NFIB: variants seen among roughly 807,000 people sequenced by gnomAD.
NFIB encodes the protein nuclear factor 1 B-type.
NFIB carries 11 observed loss-of-function variants against 61.5 expected under a neutral mutation model. The observed-to-expected ratio is 0.18, with a 90% confidence interval of 0.11 to 0.30. The LOEUF is 0.30. Among genes scored for constraint, NFIB ranks in the 10% least tolerant of loss-of-function variants. NFIB has a pLI of 1.00. For synonymous variants in NFIB, 260 were observed against 216.5 expected, an observed-to-expected ratio of 1.20 and a Z score of -1.76; for missense variants, 471 against 608.9, an observed-to-expected ratio of 0.77 and a Z score of 2.38.
intron 1 of NFIB, among the ~76,000 whole-genome samples, chr9:14,355,564 G>T (rs2061166640): frequency 6.6e-6 from 1 of 152,172 alleles, no homozygotes; most frequent in Non-Finnish European, 1.5e-5. Flanking sequence ...AGAATCTTTT[G>T]CTTTTTAAAT....
intron 1 of NFIB, among the ~76,000 whole-genome samples, chr9:14,369,780 T>C (rs2061338706): frequency 1.3e-5 from 2 of 152,196 alleles, no homozygotes; most frequent in African/African-American, 4.8e-5. Flanking sequence ...TACTCCTTAA[T>C]TCAGTACTTC....
At chr9:14,247,382 T>C (rs1052207901) in intron 2 of NFIB, among the ~76,000 whole-genome samples, 1 of 152,242 alleles carries the variant, frequency 6.6e-6, no homozygotes, top group Non-Finnish European at 1.5e-5. Context: ...CATCCAATAA[T>C]GCAGGGAGAG....
the NFIB span, among the ~76,000 whole-genome samples, chr9:14,404,816 T>C: frequency 3.5e-4 from 53 of 152,276 alleles, no homozygotes; most frequent in South Asian, 8.1e-3. Flanking sequence ...GGCAGCAACA[T>C]AATGACAGTA....
chr9:14,307,317 G>C lies in NFIB; in HGVS notation c.234C>G (p.Ala78=). Residue 78 remains alanine (A), a synonymous_variant, in exon 2 of 11, where the codon GCC becomes GCG. Coordinates refer to ENST00000380953, the MANE Select transcript of NFIB (RefSeq NM_001190737.2). The surrounding 1 kb of genome is among the most constrained non-coding windows in gnomAD (Gnocchi z 5.3). The part of the protein sequence containing the change: ...IKQKWASRLL[A]KLRKDIRQEY... ...CCTGGCGAATATCTTTGCGCAGTTT[G>C]GCAAGGAGCCTGGATGCCCACTTCT... 3 of 1,614,008 alleles carry C rather than the reference G, an allele frequency of 1.9e-6. No individual in the cohort carries two copies. The highest frequency in any genetic ancestry group is 2.5e-6 in the Non-Finnish European group (3 of 1,179,966).
At chr9:14,420,466 A>AAAAAAAAAAAAAAAAAAAAAAAAAAAAAC in the NFIB span, among the ~76,000 whole-genome samples, 1 of 149,360 alleles carries the variant, frequency 6.7e-6, no homozygotes, top group Non-Finnish European at 1.5e-5. Context: ...AAAAAAAAAA[A>AAAAAAAAAAAAAAAAAAAAAAAAAAAAAC]AAAAGATGCT....
chr9:14,126,087 T>G (rs2039607689), intron 6 of NFIB, among the ~76,000 whole-genome samples: 1 of 152,186 alleles, frequency 6.6e-6, no homozygotes, highest in African/African-American at 2.4e-5. Context: ...TTTACCTCAG[T>G]ATTTCATTCT....
rs574408010 is a variant in NFIB at position 14,211,753 on chromosome 9, C to G, written c.563-31973G>C. On this transcript the variant is annotated intron_variant, in intron 2 of 10. Transcript: ENST00000380953. ...TGGTGGGCCCCTCCACGTCAGCCCT[C>G]TCGTAGACTCCAAAAGGAAATCAGA... Among the ~76,000 whole-genome samples the G allele has an allele frequency of 3.3e-5, 5 of 152,300 alleles. No individual in the cohort carries two copies. In the East Asian group the frequency reaches 5.8e-4, roughly 18 times the overall value.
the NFIB span, among the ~76,000 whole-genome samples, chr9:14,474,127 T>A: frequency 5.3e-4 from 80 of 152,242 alleles, no homozygotes; most frequent in Non-Finnish European, 3.1e-4. Context: ...GCATTTATCA[T>A]GTTCCTGCCT....
chr9:14,531,421 A>G, the NFIB span, among the ~76,000 whole-genome samples: 1 of 152,224 alleles, frequency 6.6e-6, no homozygotes, highest in Non-Finnish European at 1.5e-5. Context: ...CTCCAGTTAC[A>G]GTATTCATTG....
At chr9:14,446,062 C>A in the NFIB span, among the ~76,000 whole-genome samples, 1 of 152,212 alleles carries the variant, frequency 6.6e-6, no homozygotes, top group Admixed American at 6.5e-5. Flanking sequence ...TAATCGCACT[C>A]TCTTCCAGCT....
intron 2 of NFIB, among the ~76,000 whole-genome samples, chr9:14,205,764 T>C (rs1330199043): frequency 6.6e-6 from 1 of 152,248 alleles, no homozygotes; most frequent in African/African-American, 2.4e-5. Flanking sequence ...TAGTGCTTAT[T>C]CACTGAATGC....
intron 1 of NFIB, among the ~76,000 whole-genome samples, chr9:14,324,058 G>C (rs139651913): frequency 1.1e-4 from 17 of 152,284 alleles, no homozygotes; most frequent in African/African-American, 4.1e-4. Flanking sequence ...GAATGACTGG[G>C]AGGGAGGGGA....
intron 7 of NFIB, among the ~76,000 whole-genome samples, chr9:14,125,341 A>G (rs563945694): frequency 1.5e-3 from 232 of 152,200 alleles, no homozygotes; most frequent in African/African-American, 5.1e-3. Flanking sequence ...TATTTTTAGT[A>G]GAGACGGGGT....
At chr9:14,482,565 A>G in the NFIB span, among the ~76,000 whole-genome samples, 6 of 152,356 alleles carry the variant, frequency 3.9e-5, no homozygotes, top group East Asian at 9.7e-4. Context: ...GACAAGTGAT[A>G]CACTGCATTC....
chr9:14,393,242 C>T (rs1467661742), intron 1 of NFIB, among the ~76,000 whole-genome samples: 4 of 152,082 alleles, frequency 2.6e-5, no homozygotes, highest in Non-Finnish European at 4.4e-5. Flanking sequence ...GCACATCCTC[C>T]CAGTGCACTG....
intron 1 of NFIB, among the ~76,000 whole-genome samples, chr9:14,380,924 C>T (rs1019864357): frequency 2.0e-5 from 3 of 151,908 alleles, no homozygotes; most frequent in Non-Finnish European, 4.4e-5. Flanking sequence ...CTCAGATCTC[C>T]TCCATACTGA....
At chr9:14,109,635 G>C (rs2037055820) in intron 10 of NFIB, among the ~76,000 whole-genome samples, 1 of 152,026 alleles carries the variant, frequency 6.6e-6, no homozygotes, top group African/African-American at 2.4e-5. Flanking sequence ...TAATCCCAAA[G>C]ACAGACTAGT....
At chr9:14,427,949 T>TTTTTTTGTTTTG in the NFIB span, among the ~76,000 whole-genome samples, 2 of 90,082 alleles carry the variant, frequency 2.2e-5, no homozygotes, top group South Asian at 4.6e-4. Flanking sequence ...TTTTTTTTTT[T>TTTTTTTGTTTTG]TTTTTTTTTT....
chr9:14,088,852 A>T (rs2033319217), intron 10 of NFIB, among the ~76,000 whole-genome samples: 1 of 152,188 alleles, frequency 6.6e-6, no homozygotes, highest in Admixed American at 6.6e-5. Flanking sequence ...TCCTTACAAC[A>T]GGAAAAAAAA....
Sources: gnomAD v4.1 joint callset for allele counts (sites outside exome capture counted in the v4.1 genomes callset) on GRCh38, gnomAD v4.1.1 for gene constraint, Gnocchi (gnomAD v3.1) non-coding constraint, MANE v1.5 for transcripts, NCBI Gene and HGNC (gene_info 2026-07-23, HGNC 2026-07-21) for gene names.